Variants in KIAA1217 observed in about 807,000 individuals in gnomAD.
KIAA1217 encodes the protein KIAA1217, also known as sickle tail protein homolog.
In KIAA1217, 88 loss-of-function variants were observed where a neutral mutation model predicts 163.9. The observed-to-expected ratio is 0.54, with a 90% CI of 0.45 to 0.64. The LOEUF (loss-of-function observed/expected upper bound fraction) is 0.64, where lower values mean the gene tolerates loss of function less well. KIAA1217 is among the 30% of genes least tolerant of loss of function. The pLI, the probability that KIAA1217 is intolerant of heterozygous loss-of-function variation, is 0.00. For missense variants in KIAA1217, 2,372 were observed against 2,475.0 expected (o/e 0.96, Z 0.88); for synonymous variants, 903 against 923.1 (o/e 0.98, Z 0.39).
intron 2 of KIAA1217, among the ~76,000 whole-genome samples, chr10:24,151,370 G>C (rs1175128984): frequency 6.7e-6 from 1 of 150,328 alleles, no homozygotes; most frequent in Non-Finnish European, 1.5e-5. Context: ...AAGAGACTAA[G>C]AAACTAACCC....
chr10:23,932,126 A>G (rs989446798), intron 1 of KIAA1217, among the ~76,000 whole-genome samples: 1 of 152,170 alleles, frequency 6.6e-6, no homozygotes, highest in Non-Finnish European at 1.5e-5. Context: ...GAAGGTAACC[A>G]GAAGCTGAGG....
At position 23,931,927 on chromosome 10, in the gene KIAA1217, C is replaced by G. The variant is rs1025609169; in HGVS notation, c.-320-75298C>G. 2.6e-5 allele frequency among the ~76,000 whole-genome samples: 4 copies of G among 152,162 alleles called. No individual in the cohort carries two copies. The South Asian group carries it at 8.3e-4, about 31-fold the overall frequency. Reference sequence around the variant, plus strand: ...GGATACAAGAGCTGTCACTACCCCCCTGTCTAAAGGGACAAAAAATGGGGC... The same window carrying G: ...GGATACAAGAGCTGTCACTACCCCCGTGTCTAAAGGGACAAAAAATGGGGC... On this transcript the variant is annotated intron_variant, in intron 1 of 18. Coordinates refer to the KIAA1217 transcript ENST00000376462.
At chr10:24,115,893 C>A (rs774927618) in intron 2 of KIAA1217, among the ~76,000 whole-genome samples, 1 of 152,234 alleles carries the variant, frequency 6.6e-6, no homozygotes, top group South Asian at 2.1e-4. Context: ...AAGAAGGTGG[C>A]TTCATTCTTA....
intron 2 of KIAA1217, among the ~76,000 whole-genome samples, chr10:24,153,538 A>G (rs1379925932): frequency 1.3e-5 from 2 of 152,236 alleles, no homozygotes; most frequent in Admixed American, 6.5e-5. Flanking sequence ...CATAATTTAT[A>G]GAGAGCCGGA....
intron 2 of KIAA1217, among the ~76,000 whole-genome samples, chr10:24,316,216 CTG>C (rs2043348336): frequency 6.6e-6 from 1 of 152,144 alleles, no homozygotes; most frequent in African/African-American, 2.4e-5. Flanking sequence ...TGTTAAATTA[CTG>C]TGATTTGAGT....
chr10:23,887,658 G>A (rs951086934), intron 1 of KIAA1217, among the ~76,000 whole-genome samples: 2 of 151,648 alleles, frequency 1.3e-5, no homozygotes, highest in South Asian at 2.1e-4. Context: ...TTGGGCTTTC[G>A]TGACAATCCA....
At chr10:24,488,473 G>A (rs1408285088) in intron 6 of KIAA1217, among the ~76,000 whole-genome samples, 1 of 152,148 alleles carries the variant, frequency 6.6e-6, no homozygotes, top group Non-Finnish European at 1.5e-5. Flanking sequence ...CAGGGCCCGG[G>A]GAGAAGAAAT....
rs371556888 is a variant in KIAA1217, at chr10:23,695,709, C to T, written c.-321+475C>T. Among the ~76,000 whole-genome samples the T allele has an allele frequency of 8.0e-4, 121 of 152,168 alleles. No homozygotes were observed. Among genetic ancestry groups the T allele is most frequent in the African/African-American group, 2.8e-3 (115 of 41,524 alleles). On this transcript the variant is annotated intron_variant, in intron 1 of 18. Coordinates refer to the KIAA1217 transcript ENST00000376462. The surrounding 1 kb of genome is among the most constrained non-coding windows in gnomAD (Gnocchi z 4.9). ...AGGAGAGAGAGAACCGGCCCCGAGA[C>T]GGGCTGGAGGGTGGGGACACTGGGG...
chr10:24,271,388 A>G (rs946092047), intron 2 of KIAA1217, among the ~76,000 whole-genome samples: 2 of 152,164 alleles, frequency 1.3e-5, no homozygotes, highest in African/African-American at 4.8e-5. Context: ...ATTCCACATC[A>G]TAAGTGCTAA....
At chr10:24,248,423 C>T (rs2074072931) in intron 2 of KIAA1217, among the ~76,000 whole-genome samples, 2 of 152,234 alleles carry the variant, frequency 1.3e-5, no homozygotes, top group African/African-American at 4.8e-5. Flanking sequence ...GTAATCCCAG[C>T]ACTTTGGGAG....
chr10:24,444,986 T>C (rs916836588), intron 5 of KIAA1217, among the ~76,000 whole-genome samples: 11 of 152,244 alleles, frequency 7.2e-5, no homozygotes, highest in African/African-American at 2.7e-4. Flanking sequence ...ATAGGAACTC[T>C]ATTAATTTCT....
intron 1 of KIAA1217, among the ~76,000 whole-genome samples, chr10:24,004,921 T>C (rs1301292088): frequency 3.9e-5 from 6 of 152,214 alleles, no homozygotes; most frequent in Admixed American, 3.9e-4. Flanking sequence ...GAAGCCTTGT[T>C]TGGTGTCCTG....
At chr10:23,888,523 AC>A (rs1049546481) in intron 1 of KIAA1217, among the ~76,000 whole-genome samples, 7 of 151,836 alleles carry the variant, frequency 4.6e-5, no homozygotes, top group African/African-American at 1.7e-4. Context: ...CATCCTATCA[AC>A]CTTTTTCTTA....
chr10:24,297,754 T>G (rs749745785), intron 2 of KIAA1217, among the ~76,000 whole-genome samples: 1 of 151,872 alleles, frequency 6.6e-6, no homozygotes, highest in African/African-American at 2.4e-5. Context: ...AGACTCTGTC[T>G]CAAAAAATAA....
chr10:23,777,420 T>A (rs976678027), intron 1 of KIAA1217, among the ~76,000 whole-genome samples: 2 of 152,202 alleles, frequency 1.3e-5, no homozygotes, highest in Admixed American at 1.3e-4. Flanking sequence ...GGGAAGTTAA[T>A]CTGTAATGAA....
chr10:24,489,076 A>G (rs973707623), intron 6 of KIAA1217, among the ~76,000 whole-genome samples: 5 of 152,106 alleles, frequency 3.3e-5, no homozygotes, highest in Non-Finnish European at 7.4e-5. Flanking sequence ...ACAAAGAAAA[A>G]AATTGCAAAA....
chr10:24,180,479 G>C (rs112479857), intron 2 of KIAA1217, among the ~76,000 whole-genome samples: 95 of 151,856 alleles, frequency 6.3e-4, no homozygotes, highest in African/African-American at 2.2e-3. Context: ...TAGAGATGTG[G>C]TTTCACCATG....
intron 6 of KIAA1217, among the ~76,000 whole-genome samples, 170 bp downstream of exon 6, chr10:24,474,230 A>G (rs2063790217): frequency 2.0e-5 from 3 of 152,192 alleles, no homozygotes; most frequent in African/African-American, 7.2e-5. Context: ...ATTGTCTGCA[A>G]ATAGTTTCTA....
intron 5 of KIAA1217, among the ~76,000 whole-genome samples, chr10:24,444,769 T>TA (rs571170008): frequency 3.2e-4 from 48 of 152,340 alleles, no homozygotes; most frequent in Admixed American, 1.7e-3. Flanking sequence ...TTGAGTCTTG[T>TA]AAGTGATCAT....
Sources: allele counts gnomAD v4.1 joint callset (sites outside exome capture counted in the v4.1 genomes callset), GRCh38; gene constraint gnomAD v4.1.1; non-coding constraint Gnocchi (gnomAD v3.1); transcripts MANE v1.5; gene names NCBI Gene and HGNC (gene_info 2026-07-23, HGNC 2026-07-21).